Variants in DIP2C observed in about 807,000 individuals in gnomAD.
DIP2C encodes the protein disco-interacting protein 2 homolog C.
In DIP2C, 33 loss-of-function variants were observed where a neutral mutation model predicts 192.4. That is an observed-to-expected ratio of 0.17 (90% confidence interval 0.13 to 0.23). The LOEUF is 0.23. DIP2C is among the 10% of genes least tolerant of loss of function. The probability of loss-of-function intolerance (pLI) is 1.00; values close to 1 mark genes in which losing one functional copy is unlikely to be tolerated. For synonymous variants in DIP2C, 979 were observed against 864.1 expected (o/e 1.13, Z -2.33); for missense variants, 1,537 against 2,110.1 (o/e 0.73, Z 5.32).
In DIP2C at chr10:276,220, C is replaced by T. The variant is rs1954508573; in HGVS notation, c.*1105G>A. 1 of 152,630 alleles carries T rather than the reference C, an allele frequency of 6.6e-6. No homozygotes were observed. The highest frequency in any genetic ancestry group is 2.1e-4 in the South Asian group (1 of 4,820). The allele number at this position is 152,630 out of a possible 1,614,324, so 9.5% of individuals were successfully genotyped here. The stretch of plus-strand genomic sequence containing the variant: ...GGCATAAACACATTCACTGTTGTCC[C>T]ACAGCAAAGAAAAAAATAGTGCACA... On this transcript the variant is annotated 3_prime_UTR_variant, in exon 37 of 37. Coordinates refer to ENST00000280886, the MANE Select transcript of DIP2C (RefSeq NM_014974.3).
chr10:581,274 A>T (rs762605974), intron 1 of DIP2C, among the ~76,000 whole-genome samples: 19 of 152,316 alleles, frequency 1.2e-4, no homozygotes, highest in Non-Finnish European at 1.8e-4. Flanking sequence ...TGTATGTCTA[A>T]AAAGTTAATA....
intron 31 of DIP2C, among the ~76,000 whole-genome samples, chr10:321,541 G>GTGAGA (rs1564551239): frequency 8.7e-6 from 1 of 115,512 alleles, no homozygotes; most frequent in African/African-American, 3.1e-5. Flanking sequence ...GGGGGCTCCA[G>GTGAGA]CGAGAGACCG....
chr10:574,264 T>G (rs921216941), intron 1 of DIP2C, among the ~76,000 whole-genome samples: 1 of 152,218 alleles, frequency 6.6e-6, no homozygotes, highest in Admixed American at 6.5e-5. Context: ...TTTTGCACAA[T>G]TCCTAGCAGA....
chr10:389,452 T>G (rs1293284135), intron 13 of DIP2C, among the ~76,000 whole-genome samples: 1 of 152,038 alleles, frequency 6.6e-6, no homozygotes. Flanking sequence ...GGAAAACACA[T>G]CACGAGCACC....
At chr10:356,679 C>G (rs1352550671) in intron 23 of DIP2C, among the ~76,000 whole-genome samples, 173 bp from the exon 24 acceptor site, 1 of 152,232 alleles carries the variant, frequency 6.6e-6, no homozygotes, top group African/African-American at 2.4e-5. Flanking sequence ...ATCCCCGTCA[C>G]ACACGACCAC....
intron 4 of DIP2C, among the ~76,000 whole-genome samples, chr10:428,327 T>A (rs535483020): frequency 1.3e-5 from 2 of 152,312 alleles, no homozygotes; most frequent in South Asian, 2.1e-4. Context: ...TTTAGCATGT[T>A]TATAGTGTAG....
intron 1 of DIP2C, among the ~76,000 whole-genome samples, chr10:537,098 T>C (rs1181384529): frequency 6.6e-6 from 1 of 152,096 alleles, no homozygotes; most frequent in Non-Finnish European, 1.5e-5. Context: ...CCAGGTGAAG[T>C]CTGATTCCCT....
rs1955490318 is a variant in DIP2C, at chr10:291,355, G to C, written c.3987-2934C>G. ...GTGTTTTGTATGAAAACAGGCACAGGGTGCTAAATCACTCAGGTCGGTGCT... is the reference window on the plus strand; with the variant it reads ...GTGTTTTGTATGAAAACAGGCACAGCGTGCTAAATCACTCAGGTCGGTGCT... On this transcript the variant is annotated intron_variant, in intron 32 of 36. Transcript: ENST00000280886. 2.0e-5 allele frequency among the ~76,000 whole-genome samples: 3 copies of C among 152,308 alleles called. No individual in the cohort carries two copies. The South Asian group carries it at 6.2e-4, about 32-fold the overall frequency.
rs973867079 is a variant in DIP2C, at chr10:362,526, C to T, written c.2758G>A (p.Val920Ile). Residue 920 changes from valine to isoleucine, a missense_variant, in exon 22 of 37, where the codon GTC becomes ATC. Transcript: ENST00000280886. ...TGTCGAGGCTTAGGCAAGTTTGTGA[C>T]GCAGGTGTGGGGGCACATTAGGACA... The part of the protein sequence containing the change: ...CNVLMCPHTC[V>I]TNLPKPRQKQ... The T allele has an allele frequency of 1.9e-6, 3 of 1,613,934 alleles. No individual in the cohort carries two copies. The highest frequency in any genetic ancestry group is 1.1e-5 in the South Asian group (1 of 91,068).
intron 2 of DIP2C, among the ~76,000 whole-genome samples, chr10:477,899 AGAGAGGGAAAG>A (rs1322301928): frequency 4.8e-4 from 62 of 128,746 alleles, no homozygotes; most frequent in African/African-American, 1.8e-3. Flanking sequence ...GAAAAGGAAA[AGAGAGGGAAAG>A]AAAAGACAGG....
At position 357,797 on chromosome 10, in the gene DIP2C, G is replaced by A. The variant is rs116429808; in HGVS notation, c.2904+31C>T. On this transcript the variant is annotated intron_variant, in intron 23 of 36. Transcript: ENST00000280886. Reference sequence around the variant, plus strand: ...GGGGACAGTCGGAAAAGTCGGGGACGGTCGGGGAGACTCAGGGACCCAGCT... The same window carrying A: ...GGGGACAGTCGGAAAAGTCGGGGACAGTCGGGGAGACTCAGGGACCCAGCT... The A allele has an allele frequency of 2.5e-4, 395 of 1,553,714 alleles. 1 individual carries two copies. Among genetic ancestry groups the A allele is most frequent in the African/African-American group, 1.5e-3 (109 of 73,724 alleles).
intron 9 of DIP2C, among the ~76,000 whole-genome samples, chr10:400,848 C>G (rs374735491): frequency 6.6e-6 from 1 of 151,338 alleles, no homozygotes; most frequent in Non-Finnish European, 1.5e-5. Flanking sequence ...CCACATGAAT[C>G]CTGTGATTTT....
rs540168663 is a variant in DIP2C, at chr10:311,418, C to T, written c.3925-1326G>A. Reference sequence around the variant, plus strand: ...GCCGGCAGCACCCATGATCACAGGGCCTGCAGACCCCCGGCCAATCTCTGC... The same window carrying T: ...GCCGGCAGCACCCATGATCACAGGGTCTGCAGACCCCCGGCCAATCTCTGC... On this transcript the variant is annotated intron_variant, in intron 31 of 36. Coordinates refer to ENST00000280886, the MANE Select transcript of DIP2C (RefSeq NM_014974.3). 29 of 882,566 alleles carry T rather than the reference C, an allele frequency of 3.3e-5. No homozygotes were observed. In the Admixed American group the frequency reaches 4.3e-4, roughly 13 times the overall value. The allele number at this position is 882,566 out of a possible 1,614,324, so 54.7% of individuals were successfully genotyped here. A position where few individuals can be genotyped will look rare whatever the true frequency, so the allele number is the denominator to read the frequency against.
chr10:684,839 A>G (rs1465150219), intron 1 of DIP2C, among the ~76,000 whole-genome samples: 3 of 152,164 alleles, frequency 2.0e-5, no homozygotes, highest in South Asian at 2.1e-4. Context: ...ATGTGCTAAC[A>G]GTAACACACA....
intron 1 of DIP2C, among the ~76,000 whole-genome samples, chr10:599,026 G>T (rs61505377): frequency 3.9e-5 from 6 of 152,372 alleles, no homozygotes; most frequent in African/African-American, 1.4e-4. Context: ...GCATCATAAA[G>T]CGGCGAAGAC....
At chr10:581,650 A>G (rs1469435612) in intron 1 of DIP2C, among the ~76,000 whole-genome samples, 2 of 152,196 alleles carry the variant, frequency 1.3e-5, no homozygotes, top group African/African-American at 4.8e-5. Flanking sequence ...ACCCACCACC[A>G]CGAGAGAATC....
chr10:366,353 G>C lies in DIP2C; in HGVS notation c.2190C>G (p.Ile730Met), dbSNP rs778126019. The C allele has an allele frequency of 2.5e-6, 4 of 1,614,148 alleles. No homozygotes were observed. The South Asian group carries it at 4.4e-5, about 18-fold the overall frequency. The change falls in exon 19 of 37, where the codon ATC becomes ATG. Residue 730 changes from isoleucine (I) to methionine (M), a missense_variant. Physicochemically the swap from Ile to Met is conservative, Grantham distance 10. Transcript: ENST00000280886. ...GVPQLCRTDE[I>M]GELCVCAVAT... ...CAACTGCACACACACACAGCTCCCC[G>C]ATCTCATCCGTTCTGCACAGCTGAG...
intron 1 of DIP2C, among the ~76,000 whole-genome samples, chr10:658,566 A>C (rs763448030): frequency 1.3e-5 from 2 of 152,250 alleles, no homozygotes; most frequent in Non-Finnish European, 2.9e-5. Context: ...CTTTAAGTCC[A>C]GAAAAGCTCA....
chr10:560,724 G>GC (rs1332187372), intron 1 of DIP2C, among the ~76,000 whole-genome samples: 4 of 151,864 alleles, frequency 2.6e-5, no homozygotes, highest in African/African-American at 4.8e-5. Flanking sequence ...AAAATTCTAG[G>GC]CCCCCCTGGC....
Sources: gnomAD v4.1 joint callset for allele counts (sites outside exome capture counted in the v4.1 genomes callset) on GRCh38, gnomAD v4.1.1 for gene constraint, MANE v1.5 for transcripts, NCBI Gene and HGNC (gene_info 2026-07-23, HGNC 2026-07-21) for gene names.